AADACL2: variants seen among roughly 807,000 people sequenced by gnomAD.
AADACL2 encodes arylacetamide deacetylase like 2.
AADACL2 carries 23 observed loss-of-function variants against 22.3 expected under a neutral mutation model. That is an observed-to-expected ratio of 1.03 (90% CI 0.74 to 1.46). The LOEUF is 1.46. AADACL2 is among the 40% of genes most tolerant of loss of function. The pLI is 0.00. For synonymous variants in AADACL2, 177 were observed against 166.2 expected, an observed-to-expected ratio of 1.07 and a Z score of -0.50; for missense variants, 472 against 482.9, an observed-to-expected ratio of 0.98 and a Z score of 0.21.
chr3:151,736,257 A>T (rs1713082294), intron 1 of AADACL2, among the ~76,000 whole-genome samples: 2 of 152,186 alleles, frequency 1.3e-5, no homozygotes, highest in South Asian at 4.1e-4. Context: ...TCAGTCTAAA[A>T]TACTAAATAT....
At chr3:151,745,939 A>G (rs1185731005) in intron 4 of AADACL2, among the ~76,000 whole-genome samples, 4 of 152,104 alleles carry the variant, frequency 2.6e-5, no homozygotes, top group Non-Finnish European at 5.9e-5. Flanking sequence ...CTAGTATTCC[A>G]TATCTTTCCC....
At chr3:151,738,406 G>T (rs2197781) in intron 1 of AADACL2, among the ~76,000 whole-genome samples, 102,849 of 152,050 alleles carry the variant, frequency 0.68, 34,888 homozygotes, top group South Asian at 0.75. Flanking sequence ...AACCTGACCT[G>T]TCTCTCCAGC....
intron 1 of AADACL2, among the ~76,000 whole-genome samples, chr3:151,736,356 T>C (rs1713086819): frequency 6.6e-6 from 1 of 151,722 alleles, no homozygotes; most frequent in African/African-American, 2.4e-5. Flanking sequence ...GTGCAGAACG[T>C]GCAGGTTTGT....
rs1329308094 is a variant in AADACL2 at position 151,759,501 on chromosome 3, A to G, written c.*1907A>G. On this transcript the variant is annotated 3_prime_UTR_variant, in exon 5 of 5. Coordinates refer to ENST00000356517, the MANE Select transcript of AADACL2 (RefSeq NM_207365.4). ...TACACTAGTGTGTCATGTCACTAGTATGTACTTTCAAGCCTTTAAACAGAA... is the reference window on the plus strand; with the variant it reads ...TACACTAGTGTGTCATGTCACTAGTGTGTACTTTCAAGCCTTTAAACAGAA... 3.3e-5 allele frequency: 5 copies of G among 152,312 alleles called. No homozygotes were observed. In the East Asian group the frequency reaches 9.6e-4, roughly 29 times the overall value. The allele number at this position is 152,312 out of a possible 1,614,324, so 9.4% of individuals were successfully genotyped here.
At position 151,758,987 on chromosome 3, in the gene AADACL2, T is replaced by C. The variant is rs1714056427; in HGVS notation, c.*1393T>C. The C allele has an allele frequency of 2.0e-5, 3 of 152,090 alleles. No homozygotes were observed. The South Asian group carries it at 6.2e-4, about 31-fold the overall frequency. The allele number at this position is 152,090 out of a possible 1,614,324, so 9.4% of individuals were successfully genotyped here. Reference sequence around the variant, plus strand: ...CACAAACAAAATAAGATTTTTTTAATGTAGAGAGAAATTAATTATGTTCAA... The same window carrying C: ...CACAAACAAAATAAGATTTTTTTAACGTAGAGAGAAATTAATTATGTTCAA... On this transcript the variant is annotated 3_prime_UTR_variant, in exon 5 of 5. Coordinates refer to ENST00000356517, the MANE Select transcript of AADACL2 (RefSeq NM_207365.4).
chr3:151,741,060 T>C (rs558376299), intron 2 of AADACL2, among the ~76,000 whole-genome samples, 192 bp downstream of exon 2: 137 of 152,326 alleles, frequency 9.0e-4, no homozygotes, highest in African/African-American at 3.2e-3. Context: ...ACTAATATTA[T>C]GGGGATTTTA....
intron 4 of AADACL2, among the ~76,000 whole-genome samples, chr3:151,752,082 C>T (rs181410777): frequency 4.4e-4 from 67 of 152,222 alleles, no homozygotes; most frequent in Non-Finnish European, 6.8e-4. Flanking sequence ...TCTTCATGGA[C>T]TGCTAAACTT....
chr3:151,752,738 A>G (rs1336094824), intron 4 of AADACL2, among the ~76,000 whole-genome samples: 3 of 152,224 alleles, frequency 2.0e-5, no homozygotes, highest in Non-Finnish European at 2.9e-5. Flanking sequence ...AGTAATTAGT[A>G]AGTCCTACTC....
chr3:151,739,899 T>C (rs1576611275), intron 1 of AADACL2, among the ~76,000 whole-genome samples: 1 of 152,322 alleles, frequency 6.6e-6, no homozygotes, highest in African/African-American at 2.4e-5. Context: ...TTCAGACTGC[T>C]GTGCTGGCAG....
chr3:151,744,131 A>C lies in AADACL2; in HGVS notation c.400A>C (p.Asn134His). 1 of 1,613,718 alleles carries C rather than the reference A, an allele frequency of 6.2e-7. No individual in the cohort carries two copies. Among genetic ancestry groups the C allele is most frequent in the Non-Finnish European group, 8.5e-7 (1 of 1,179,730 alleles). The change falls in exon 3 of 5, where the codon AAC (asparagine) becomes CAC (histidine). Residue 134 changes from asparagine (N) to histidine (H), a missense_variant. Coordinates refer to ENST00000356517, the MANE Select transcript of AADACL2 (RefSeq NM_207365.4). ...TGACTTCCTGAATAGATGGACGGCAAACACGCTTGATGCTGTTGTTGTAGG... is the reference window on the plus strand; with the variant it reads ...TGACTTCCTGAATAGATGGACGGCACACACGCTTGATGCTGTTGTTGTAGG... ...AFDFLNRWTA[N>H]TLDAVVVGVD...
intron 4 of AADACL2, among the ~76,000 whole-genome samples, chr3:151,749,732 C>A (rs1713592818): frequency 6.6e-6 from 1 of 152,194 alleles, no homozygotes; most frequent in Admixed American, 6.5e-5. Context: ...CTGCCAGCCT[C>A]AGCCTCCCAA....
At chr3:151,752,625 T>C (rs1387199882) in intron 4 of AADACL2, among the ~76,000 whole-genome samples, 1 of 152,212 alleles carries the variant, frequency 6.6e-6, no homozygotes, top group Non-Finnish European at 1.5e-5. Context: ...TCCAATTTCA[T>C]GGCCACATTT....
intron 4 of AADACL2, among the ~76,000 whole-genome samples, chr3:151,747,904 G>A (rs888368436): frequency 2.6e-5 from 4 of 151,910 alleles, no homozygotes; most frequent in East Asian, 1.9e-4. Flanking sequence ...CAACAACAAT[G>A]TACAAGGGGT....
chr3:151,746,286 C>T (rs1179343630), intron 4 of AADACL2, among the ~76,000 whole-genome samples: 1 of 150,890 alleles, frequency 6.6e-6, no homozygotes. Context: ...TATAGAAATA[C>T]AATTGATTTT....
In AADACL2 at chr3:151,760,892, CAT is replaced by C. The variant is rs1159298269; in HGVS notation, c.*3299_*3300del. ...TGTAGCAGCATAACTCCAATCTTCACATGATATTCTCCCGTTGTATGTGTTCT... is the reference window on the plus strand; with the variant it reads ...TGTAGCAGCATAACTCCAATCTTCACGATATTCTCCCGTTGTATGTGTTCT... On this transcript the variant is annotated 3_prime_UTR_variant, in exon 5 of 5. Coordinates refer to ENST00000356517, the MANE Select transcript of AADACL2 (RefSeq NM_207365.4). The C allele has an allele frequency of 6.6e-6, 1 of 152,038 alleles. No individual in the cohort carries two copies. The highest frequency in any genetic ancestry group is 2.4e-5 in the African/African-American group (1 of 41,398). The allele number at this position is 152,038 out of a possible 1,614,324, so 9.4% of individuals were successfully genotyped here. A position where few individuals can be genotyped will look rare whatever the true frequency, so the allele number is the denominator to read the frequency against.
intron 4 of AADACL2, 23 bp from the exon 5 acceptor site, chr3:151,756,969 A>C: frequency 6.5e-7 from 1 of 1,547,196 alleles, no homozygotes; most frequent in Non-Finnish European, 8.7e-7. Flanking sequence ...TTTGCATTAC[A>C]GAATATTACC....
rs114992411 is a variant in AADACL2, at chr3:151,756,466, T to C, written c.604-526T>C. Among the ~76,000 whole-genome samples the C allele has an allele frequency of 4.1e-3, 624 of 152,214 alleles. 6 individuals are homozygous for C. The highest frequency in any genetic ancestry group is 0.014 in the African/African-American group (596 of 41,560). ...ATAATGTTTCTTAAAAATTATGGTA[T>C]GATGTTGGTAATGTCCACCTTGTTT... On this transcript the variant is annotated intron_variant, in intron 4 of 4. Coordinates refer to ENST00000356517, the MANE Select transcript of AADACL2 (RefSeq NM_207365.4).
chr3:151,757,707 T>A lies in AADACL2; in HGVS notation c.*113T>A. 1 of 1,316,144 alleles carries A rather than the reference T, an allele frequency of 7.6e-7. No homozygotes were observed. The highest frequency in any genetic ancestry group is 1.0e-6 in the Non-Finnish European group (1 of 967,580). 81.5% of individuals were successfully genotyped at this position (1,316,144 alleles called of 1,614,324 possible). On this transcript the variant is annotated 3_prime_UTR_variant, in exon 5 of 5. Coordinates refer to ENST00000356517, the MANE Select transcript of AADACL2 (RefSeq NM_207365.4). Reference sequence around the variant, plus strand: ...GTTATCTAAATCTACATTTGCAACATTTGTAGCAGTTAATGTGTGTCCTTG... The same window carrying A: ...GTTATCTAAATCTACATTTGCAACAATTGTAGCAGTTAATGTGTGTCCTTG...
Position 151,745,649 on chromosome 3 carries a change from G to C in AADACL2, c.572G>C (p.Gly191Ala). 6.2e-7 allele frequency: 1 copy of C among 1,611,274 alleles called. No homozygotes were observed. Among genetic ancestry groups the C allele is most frequent in the African/African-American group, 1.3e-5 (1 of 74,762 alleles). Residue 191 changes from glycine (G) to alanine (A), a missense_variant, in exon 4 of 5, where the codon GGG becomes GCG. By Grantham distance (60) the Gly-to-Ala change is moderately conservative. Around this residue, in one of 3 missense-constraint regions of AADACL2, gnomAD observed 356 missense variants for 365.5 expected, o/e 0.97. Coordinates refer to ENST00000356517, the MANE Select transcript of AADACL2 (RefSeq NM_207365.4). ...ATCTGCATTGCGGGAGACAGTTCTGGGGGCAATTTAGCAACAGCGGTCACT... is the reference window on the plus strand; with the variant it reads ...ATCTGCATTGCGGGAGACAGTTCTGCGGGCAATTTAGCAACAGCGGTCACT... Reference protein sequence around the residue: ...TRICIAGDSSGGNLATAVTQQ... With the variant: ...TRICIAGDSSAGNLATAVTQQ...
Sources: gnomAD v4.1 joint callset for allele counts (sites outside exome capture counted in the v4.1 genomes callset) on GRCh38, gnomAD v4.1.1 for gene constraint, gnomAD v4.1.1 regional missense constraint, MANE v1.5 for transcripts, NCBI Gene and HGNC (gene_info 2026-07-23, HGNC 2026-07-21) for gene names.